TBCD: variants seen among roughly 807,000 people sequenced by gnomAD.
TBCD encodes the protein tubulin-specific chaperone D.
In TBCD, 105 loss-of-function variants were observed where a neutral mutation model predicts 169.3. The observed-to-expected ratio is 0.62, with a 90% CI of 0.53 to 0.73. TBCD has a LOEUF of 0.73. Among genes scored for constraint, TBCD ranks in the 30% least tolerant of loss-of-function variants. TBCD has a pLI of 0.00. For missense variants in TBCD, 1,444 were observed against 1,600.1 expected (o/e 0.90, Z 1.66); for synonymous variants, 700 against 643.9 (o/e 1.09, Z -1.32).
chr17:82,856,897 CG>C (rs1230085550), intron 13 of TBCD, among the ~76,000 whole-genome samples: 2 of 145,174 alleles, frequency 1.4e-5, no homozygotes, highest in Non-Finnish European at 3.0e-5. Context: ...GCATCCAGGG[CG>C]GGATCGCTGG....
Position 82,752,125 on chromosome 17 carries a change from G to A in TBCD, c.-69G>A, listed in dbSNP as rs1342311304. On this transcript the variant is annotated 5_prime_UTR_variant, in exon 1 of 39. Coordinates refer to ENST00000355528, the MANE Select transcript of TBCD (RefSeq NM_005993.5). ...TTTCATCCCTCATCCTTCATCCCTGGCTTTCGCGCTCTAGCGGAGTGGGAT... is the reference window on the plus strand; with the variant it reads ...TTTCATCCCTCATCCTTCATCCCTGACTTTCGCGCTCTAGCGGAGTGGGAT... 7.1e-6 allele frequency: 10 copies of A among 1,409,228 alleles called. No homozygotes were observed. The highest frequency in any genetic ancestry group is 3.3e-5 in the Admixed American group (1 of 30,344). The allele number at this position is 1,409,228 out of a possible 1,614,324, so 87.3% of individuals were successfully genotyped here. A position where few individuals can be genotyped will look rare whatever the true frequency, so the allele number is the denominator to read the frequency against.
intron 13 of TBCD, among the ~76,000 whole-genome samples, chr17:82,836,730 CA>C (rs937552115): frequency 2.3e-4 from 34 of 150,370 alleles, no homozygotes; most frequent in South Asian, 1.3e-3. Flanking sequence ...AACAAAAAAA[CA>C]AAAAAACCCA....
chr17:82,775,929 G>A (rs2048570531), intron 6 of TBCD, among the ~76,000 whole-genome samples: 3 of 152,156 alleles, frequency 2.0e-5, no homozygotes, highest in Middle Eastern at 6.8e-3. Context: ...TAATAGATAT[G>A]CCTTTCGCCA....
At chr17:82,899,702 A>G (rs992390695) in intron 17 of TBCD, among the ~76,000 whole-genome samples, 6 of 152,262 alleles carry the variant, frequency 3.9e-5, no homozygotes, top group African/African-American at 1.4e-4. Flanking sequence ...AGAAACTGCC[A>G]AACTGTTTTG....
chr17:82,911,834 G>A (rs1477383736), intron 23 of TBCD, 45 bp downstream of exon 23: 1 of 1,609,546 alleles, frequency 6.2e-7, no homozygotes, highest in African/African-American at 1.3e-5. Context: ...CTTTGCCGCA[G>A]CCATCGTTGA....
rs1313014914 is a variant in TBCD, at chr17:82,831,228, C to T, written c.1318+16294C>T. On this transcript the variant is annotated intron_variant, in intron 13 of 38. Coordinates refer to ENST00000355528, the MANE Select transcript of TBCD (RefSeq NM_005993.5). The surrounding 1 kb of genome is among the most constrained non-coding windows in gnomAD (Gnocchi z 4.6). The stretch of plus-strand genomic sequence containing the variant: ...TGGGGCTCGGCCTCCCTGGGGAGCC[C>T]GTGGCTGCACTCCCTGCGCGGGGGC... The T allele has an allele frequency of 2.5e-6, 4 of 1,614,004 alleles. No individual in the cohort carries two copies. The highest frequency in any genetic ancestry group is 2.2e-5 in the East Asian group (1 of 44,872).
chr17:82,862,313 G>A (rs778036803), intron 13 of TBCD, among the ~76,000 whole-genome samples: 3 of 151,864 alleles, frequency 2.0e-5, no homozygotes, highest in Non-Finnish European at 4.4e-5. Flanking sequence ...GCTGCATAAT[G>A]TCTCCCTGGA....
At chr17:82,861,278 G>A (rs1247521359) in intron 13 of TBCD, among the ~76,000 whole-genome samples, 1 of 152,158 alleles carries the variant, frequency 6.6e-6, no homozygotes, top group African/African-American at 2.4e-5. Context: ...CATTCATGCC[G>A]CAGGTCCCCG....
At chr17:82,773,981 G>A (rs1215417091) in intron 6 of TBCD, among the ~76,000 whole-genome samples, 5 of 151,166 alleles carry the variant, frequency 3.3e-5, no homozygotes, top group Admixed American at 2.6e-4. Context: ...CGCCCACCTC[G>A]GCCTCCCAAA....
Position 82,840,951 on chromosome 17 carries a change from C to CTGTTTTTTTT in TBCD, c.1318+26019_1318+26020insTTTTTTTTTG, listed in dbSNP as rs2054436865. ...GGACGAGCTGGCCAGGACAGACAAACTGGTTTTTTTTTTTTTTTTTTTTTT... is the reference window on the plus strand; with the variant it reads ...GGACGAGCTGGCCAGGACAGACAAACTGTTTTTTTTTGGTTTTTTTTTTTTTTTTTTTTTT... On this transcript the variant is annotated intron_variant, in intron 13 of 38. Transcript: ENST00000355528. Among the ~76,000 whole-genome samples, 2 of 57,984 alleles carry CTGTTTTTTTT rather than the reference C, an allele frequency of 3.4e-5. 1 individual carries two copies. Among genetic ancestry groups the CTGTTTTTTTT allele is most frequent in the African/African-American group, 1.4e-4 (2 of 13,816 alleles). 38.0% of individuals were successfully genotyped at this position (57,984 alleles called of 152,430 possible).
chr17:82,870,575 G>A (rs1455258210), intron 14 of TBCD, among the ~76,000 whole-genome samples, 195 bp downstream of exon 14: 1 of 152,210 alleles, frequency 6.6e-6, no homozygotes, highest in Non-Finnish European at 1.5e-5. Flanking sequence ...AGAAGTGTGT[G>A]GAGGAACATT....
rs1016238833 is a variant in TBCD, at chr17:82,920,614, A to C, written c.2097A>C (p.Val699=). 2 of 1,550,562 alleles carry C rather than the reference A, an allele frequency of 1.3e-6. No individual in the cohort carries two copies. Among genetic ancestry groups the C allele is most frequent in the Admixed American group, 3.9e-5 (2 of 50,816 alleles). ...AAATGCCCTTTAGAGGTGACACCGT[A>C]ATTGGTAAGTGCTTTTGTTTTTAAT... The part of the protein sequence containing the change: ...LSKMPFRGDT[V]IDGWQWLIND... The change falls in exon 24 of 39, where the codon GTA becomes GTC. Residue 699 remains valine, a synonymous_variant. Coordinates refer to ENST00000355528, the MANE Select transcript of TBCD (RefSeq NM_005993.5). This position sits in a 1 kb window ranked among gnomAD's most constrained non-coding sequence, Gnocchi z 4.1.
intron 7 of TBCD, among the ~76,000 whole-genome samples, chr17:82,793,392 T>C (rs1211895442): frequency 2.0e-5 from 3 of 152,224 alleles, no homozygotes; most frequent in South Asian, 2.1e-4. Context: ...TGCTGCTCTT[T>C]CTAGGGGTGG....
chr17:82,846,334 C>T (rs8064468), intron 13 of TBCD, among the ~76,000 whole-genome samples: 21,256 of 112,928 alleles, frequency 0.19, 2,238 homozygotes, highest in South Asian at 0.36. Context: ...CGTGTCCTCT[C>T]GTCCAGCCCT....
intron 12 of TBCD, among the ~76,000 whole-genome samples, chr17:82,812,264 C>G (rs745719059): frequency 1.2e-4 from 18 of 152,206 alleles, no homozygotes; most frequent in Admixed American, 6.5e-4. Context: ...AGGGCATCTT[C>G]TGAGACACTC....
chr17:82,868,352 G>GA (rs1448509659), intron 13 of TBCD, among the ~76,000 whole-genome samples: 1 of 152,126 alleles, frequency 6.6e-6, no homozygotes, highest in South Asian at 2.1e-4. Context: ...GCAGGCTGGG[G>GA]AGACCTTGGT....
chr17:82,818,786 G>A (rs1020844440), intron 13 of TBCD, among the ~76,000 whole-genome samples: 3 of 152,176 alleles, frequency 2.0e-5, no homozygotes, highest in African/African-American at 4.8e-5. Flanking sequence ...GTGAAAACAG[G>A]CTGGGCACGG....
intron 4 of TBCD, 89 bp downstream of exon 4, chr17:82,766,457 C>T (rs961702898): frequency 1.8e-5 from 14 of 779,460 alleles, no homozygotes; most frequent in African/African-American, 1.4e-4. Context: ...CTTCCCCTTC[C>T]TGTTTCTTTC....
chr17:82,775,188 A>T (rs765779741), intron 6 of TBCD, among the ~76,000 whole-genome samples: 7 of 152,226 alleles, frequency 4.6e-5, no homozygotes, highest in Non-Finnish European at 1.0e-4. Context: ...TTTTCGGCCG[A>T]GCCAGTTTCC....
Sources: allele counts gnomAD v4.1 joint callset (sites outside exome capture counted in the v4.1 genomes callset), GRCh38; gene constraint gnomAD v4.1.1; non-coding constraint Gnocchi (gnomAD v3.1); transcripts MANE v1.5; gene names NCBI Gene and HGNC (gene_info 2026-07-23, HGNC 2026-07-21).